FSHR: variants seen among roughly 807,000 people sequenced by gnomAD.
FSHR encodes follicle-stimulating hormone receptor.
In FSHR, 46 loss-of-function variants were observed where a neutral mutation model predicts 52.1. The ratio of observed to expected loss-of-function variants is 0.88; its 90% CI spans 0.70 to 1.13. The LOEUF is 1.13. FSHR is among the 50% of genes most tolerant of loss of function. FSHR has a pLI of 0.00. For synonymous variants in FSHR, 399 were observed against 309.6 expected (o/e 1.29, Z -3.03); for missense variants, 964 against 834.6 (o/e 1.16, Z -1.91).
At chr2:49,152,054 A>G (rs999368083) in intron 1 of FSHR, among the ~76,000 whole-genome samples, 1 of 152,150 alleles carries the variant, frequency 6.6e-6, no homozygotes, top group Admixed American at 6.6e-5. Flanking sequence ...CCTACCAATG[A>G]GTGTGCAGAA....
chr2:49,017,380 C>T (rs539308398), intron 4 of FSHR, 109 bp downstream of exon 4: 1 of 808,866 alleles, frequency 1.2e-6, no homozygotes, highest in Non-Finnish European at 2.1e-6. Context: ...CCCCCACCAC[C>T]ATCCTTGATC....
At chr2:49,079,077 T>C (rs998698737) in intron 1 of FSHR, among the ~76,000 whole-genome samples, 3 of 152,110 alleles carry the variant, frequency 2.0e-5, no homozygotes, top group Admixed American at 1.3e-4. Flanking sequence ...GCTGGGTGTA[T>C]GATTAGTGGA....
At chr2:49,127,773 T>C (rs1261657309) in intron 1 of FSHR, among the ~76,000 whole-genome samples, 2 of 41,794 alleles carry the variant, frequency 4.8e-5, no homozygotes, top group African/African-American at 2.1e-4. Flanking sequence ...CTTCTTCTTC[T>C]TCTTCTTCTT....
At chr2:48,997,366 A>G (rs1219251916) in intron 4 of FSHR, 19 of 984,926 alleles carry the variant, frequency 1.9e-5, no homozygotes, top group Non-Finnish European at 2.3e-5. Context: ...TAATCAGGGG[A>G]AATTTAAGGA....
At chr2:49,032,225 A>G (rs764339008) in intron 2 of FSHR, among the ~76,000 whole-genome samples, 2 of 152,160 alleles carry the variant, frequency 1.3e-5, no homozygotes, top group Non-Finnish European at 1.5e-5. Context: ...GAGTTTGTCT[A>G]TCACATTGCT....
chr2:49,038,632 T>A (rs111557526), intron 2 of FSHR, among the ~76,000 whole-genome samples: 1,782 of 37,292 alleles, frequency 0.048, 244 homozygotes, highest in African/African-American at 0.089. Flanking sequence ...CTCAAAATAA[T>A]AATAATAATA....
At chr2:48,979,138 C>T (rs935051582) in intron 8 of FSHR, among the ~76,000 whole-genome samples, 1 of 152,134 alleles carries the variant, frequency 6.6e-6, no homozygotes. Context: ...CCCTGACCTA[C>T]TGAATCAAAA....
intron 1 of FSHR, among the ~76,000 whole-genome samples, chr2:49,123,847 G>A (rs550382183): frequency 5.9e-5 from 9 of 152,044 alleles, no homozygotes; most frequent in Non-Finnish European, 1.0e-4. Context: ...GGGAGGGAGG[G>A]TTCTCTTTGC....
chr2:49,051,006 C>G (rs956307514), intron 2 of FSHR, among the ~76,000 whole-genome samples: 9 of 152,074 alleles, frequency 5.9e-5, no homozygotes, highest in Admixed American at 1.3e-4. Flanking sequence ...CTGTGTCTGG[C>G]TTCTTTGCTT....
At chr2:49,011,617 ATT>A (rs937108706) in intron 4 of FSHR, among the ~76,000 whole-genome samples, 1 of 152,030 alleles carries the variant, frequency 6.6e-6, no homozygotes, top group Non-Finnish European at 1.5e-5. Flanking sequence ...TTGTCTAAAC[ATT>A]TGTTTTAACT....
At chr2:49,125,341 C>A (rs905718744) in intron 1 of FSHR, among the ~76,000 whole-genome samples, 1 of 152,100 alleles carries the variant, frequency 6.6e-6, no homozygotes, top group Non-Finnish European at 1.5e-5. Flanking sequence ...ACAAAAAAAT[C>A]TCATAATGTT....
chr2:49,077,409 A>G (rs1045335477), intron 1 of FSHR, among the ~76,000 whole-genome samples: 1 of 152,160 alleles, frequency 6.6e-6, no homozygotes, highest in Non-Finnish European at 1.5e-5. Context: ...TGCACACAGT[A>G]TGGGGACCTT....
intron 1 of FSHR, among the ~76,000 whole-genome samples, chr2:49,078,821 C>G (rs1320352642): frequency 6.6e-6 from 1 of 152,112 alleles, no homozygotes; most frequent in African/African-American, 2.4e-5. Flanking sequence ...GACAATGATG[C>G]TGTTACCTCC....
intron 9 of FSHR, among the ~76,000 whole-genome samples, chr2:48,968,387 A>C (rs1176101925): frequency 6.6e-6 from 1 of 152,234 alleles, no homozygotes; most frequent in Non-Finnish European, 1.5e-5. Flanking sequence ...GTACAAAGGA[A>C]AGAGGGAACA....
chr2:49,134,975 T>A (rs1424425133), intron 1 of FSHR, among the ~76,000 whole-genome samples: 1 of 151,814 alleles, frequency 6.6e-6, no homozygotes, highest in African/African-American at 2.4e-5. Flanking sequence ...AGATGACGAG[T>A]TAGTGGGTGC....
chr2:48,975,446 G>T (rs1922472), intron 8 of FSHR, among the ~76,000 whole-genome samples: 8 of 151,912 alleles, frequency 5.3e-5, no homozygotes, highest in African/African-American at 2.4e-5. Context: ...TTACTCCCCA[G>T]TGCATGTCTG....
chr2:48,988,303 G>C (rs1035923888), intron 6 of FSHR, among the ~76,000 whole-genome samples: 3 of 152,080 alleles, frequency 2.0e-5, no homozygotes, highest in African/African-American at 7.2e-5. Flanking sequence ...AAGTGCAATT[G>C]CTGGGTCCCC....
At chr2:49,072,962 T>C (rs1164261217) in intron 1 of FSHR, among the ~76,000 whole-genome samples, 2 of 152,146 alleles carry the variant, frequency 1.3e-5, no homozygotes, top group African/African-American at 4.8e-5. Flanking sequence ...GTTGATCTAG[T>C]TCTAATTAAC....
At chr2:49,124,048 G>A (rs1671911912) in intron 1 of FSHR, among the ~76,000 whole-genome samples, 2 of 151,414 alleles carry the variant, frequency 1.3e-5, no homozygotes, top group South Asian at 4.2e-4. Context: ...GCAGTGGCAT[G>A]ATCTCGGCTC....
Sources: allele counts gnomAD v4.1 joint callset (sites outside exome capture counted in the v4.1 genomes callset), GRCh38; gene constraint gnomAD v4.1.1; transcripts MANE v1.5; gene names NCBI Gene and HGNC (gene_info 2026-07-23, HGNC 2026-07-21).